ZRANB3: variants seen among roughly 807,000 people sequenced by gnomAD.
ZRANB3 encodes zinc finger RANBP2-type containing 3.
ZRANB3 carries 125 observed loss-of-function variants against 133.8 expected under a neutral mutation model. The observed-to-expected ratio is 0.93, with a 90% CI of 0.81 to 1.08. ZRANB3 has a LOEUF of 1.08. ZRANB3 is among the 50% of genes least tolerant of loss of function. The pLI is 0.00. For synonymous variants in ZRANB3, 387 were observed against 432.7 expected (o/e 0.89, Z 1.31); for missense variants, 1,229 against 1,275.5 (o/e 0.96, Z 0.56).
intron 2 of ZRANB3, among the ~76,000 whole-genome samples, chr2:135,479,096 T>C (rs1287018332): frequency 1.3e-5 from 2 of 151,950 alleles, no homozygotes; most frequent in African/African-American, 4.8e-5. Context: ...TTCACATCCT[T>C]GCTGGTATTG....
intron 19 of ZRANB3, 22 bp downstream of exon 19, chr2:135,207,412 C>T: frequency 1.9e-6 from 3 of 1,576,200 alleles, no homozygotes; most frequent in Non-Finnish European, 2.6e-6. Flanking sequence ...TGCCTTCTAT[C>T]TATCACATGA....
intron 6 of ZRANB3, among the ~76,000 whole-genome samples, chr2:135,330,681 C>T (rs1407604683): frequency 3.0e-5 from 4 of 132,910 alleles, no homozygotes; most frequent in African/African-American, 1.5e-4. Context: ...CTGTCTGGTC[C>T]TGGACTTTTT....
intron 15 of ZRANB3, 21 bp downstream of exon 15, chr2:135,224,405 C>T (rs1694675206): frequency 6.4e-7 from 1 of 1,550,920 alleles, no homozygotes; most frequent in Non-Finnish European, 8.7e-7. Flanking sequence ...TTTCAAGTTA[C>T]AGAATCTGCA....
chr2:135,328,280 T>C (rs1018622689), intron 6 of ZRANB3, among the ~76,000 whole-genome samples: 4 of 131,836 alleles, frequency 3.0e-5, no homozygotes, highest in African/African-American at 1.1e-4. Flanking sequence ...GCATTCTCAC[T>C]GTTCAATTCC....
At chr2:135,344,561 C>T (rs1272130231) in intron 6 of ZRANB3, among the ~76,000 whole-genome samples, 1 of 152,064 alleles carries the variant, frequency 6.6e-6, no homozygotes, top group Non-Finnish European at 1.5e-5. Context: ...CATGGTGAAA[C>T]CCCATCTCTA....
intron 2 of ZRANB3, among the ~76,000 whole-genome samples, chr2:135,455,171 CTTTTTTTTTTTTTTTTTTTTTT>C (rs1166170814): frequency 8.0e-5 from 3 of 37,558 alleles, no homozygotes; most frequent in African/African-American, 1.9e-4. Flanking sequence ...CCTTCTTATA[CTTTTTTTTTTTTTTTTTTTTTT>C]TTTTTTTTTT....
chr2:135,249,525 T>C (rs1234638193), intron 12 of ZRANB3, among the ~76,000 whole-genome samples: 4 of 152,246 alleles, frequency 2.6e-5, no homozygotes, highest in Non-Finnish European at 5.9e-5. Flanking sequence ...TTCTCACTTA[T>C]AAGTGTGATA....
Position 135,345,753 on chromosome 2 carries a change from C to T in ZRANB3, c.592-118G>A. On this transcript the variant is annotated intron_variant, in intron 5 of 20. Transcript: ENST00000264159. ...ATAAAAGAAAATCCAACTGTTTATT[C>T]CTCAAATCCCCTCACTACTATTCAT... is the stretch of plus-strand genomic sequence containing the variant. 5 of 653,748 alleles carry T rather than the reference C, an allele frequency of 7.6e-6. No individual in the cohort carries two copies. In the South Asian group the frequency reaches 9.9e-5, roughly 13 times the overall value. 40.5% of individuals were successfully genotyped at this position (653,748 alleles called of 1,614,324 possible).
In ZRANB3 at chr2:135,492,993, T is replaced by C. The variant is rs899441444; in HGVS notation, c.161+11336A>G. Reference sequence around the variant, plus strand: ...GTGCCAAGGTAATTTATGGGAATGATAGATTTTTCTACAAATGGTGCTGAA... The same window carrying C: ...GTGCCAAGGTAATTTATGGGAATGACAGATTTTTCTACAAATGGTGCTGAA... On this transcript the variant is annotated intron_variant, in intron 2 of 20. Transcript: ENST00000264159. 5.3e-5 allele frequency among the ~76,000 whole-genome samples: 8 copies of C among 150,570 alleles called. No homozygotes were observed. In the East Asian group the frequency reaches 1.2e-3, roughly 22 times the overall value.
intron 3 of ZRANB3, among the ~76,000 whole-genome samples, chr2:135,378,014 A>G (rs1376071150): frequency 6.6e-6 from 1 of 152,188 alleles, no homozygotes; most frequent in Non-Finnish European, 1.5e-5. Context: ...CCTGCCCTGG[A>G]ACATTGGACT....
intron 5 of ZRANB3, among the ~76,000 whole-genome samples, chr2:135,349,580 G>T (rs1471905160): frequency 6.6e-6 from 1 of 152,096 alleles, no homozygotes; most frequent in African/African-American, 2.4e-5. Flanking sequence ...AGTGAAAGAA[G>T]AACAGACAGA....
rs771909452 is a variant in ZRANB3, at chr2:135,265,694, A to G, written c.1387-8T>C. ...GCTCCCTGTAACTTGAGCCTACAAG[A>G]GGAAAAAGTAAATGAATTTTTGAGC... On this transcript the variant is annotated splice_region_variant and splice_polypyrimidine_tract_variant and intron_variant, in intron 11 of 20. Coordinates refer to ENST00000264159, the MANE Select transcript of ZRANB3 (RefSeq NM_032143.4). 4.1e-5 allele frequency: 66 copies of G among 1,606,664 alleles called. No individual in the cohort carries two copies. Among genetic ancestry groups the G allele is most frequent in the Admixed American group, 1.9e-4 (11 of 58,526 alleles).
chr2:135,299,213 G>A (rs1682315635), intron 8 of ZRANB3, among the ~76,000 whole-genome samples: 1 of 152,064 alleles, frequency 6.6e-6, no homozygotes, highest in Admixed American at 6.6e-5. Flanking sequence ...TGGTTCTCAG[G>A]CTAATGGACT....
chr2:135,447,790 A>G (rs1690087204), intron 2 of ZRANB3, among the ~76,000 whole-genome samples: 1 of 152,164 alleles, frequency 6.6e-6, no homozygotes, highest in African/African-American at 2.4e-5. Context: ...TCTACAAATG[A>G]CCAGTCTCTC....
Position 135,398,521 on chromosome 2 carries a change from C to CTTTTTTTTTTTTTTTT in ZRANB3, c.162-7702_162-7701insAAAAAAAAAAAAAAAA, listed in dbSNP as rs374119156. ...CAAACAAAAACCATTTCTTTTGTCA[C>CTTTTTTTTTTTTTTTT]TTTTTTTTTTTTTTTGAGATGGAGT... On this transcript the variant is annotated intron_variant, in intron 2 of 20. Coordinates refer to ENST00000264159, the MANE Select transcript of ZRANB3 (RefSeq NM_032143.4). 4.0e-5 allele frequency among the ~76,000 whole-genome samples: 5 copies of CTTTTTTTTTTTTTTTT among 123,910 alleles called. 2 individuals carry two copies. Among genetic ancestry groups the CTTTTTTTTTTTTTTTT allele is most frequent in the African/African-American group, 1.7e-4 (5 of 29,032 alleles). 81.3% of individuals were successfully genotyped at this position (123,910 alleles called of 152,430 possible). A position where few individuals can be genotyped will look rare whatever the true frequency, so the allele number is the denominator to read the frequency against.
intron 8 of ZRANB3, among the ~76,000 whole-genome samples, chr2:135,305,927 G>A (rs1682670149): frequency 6.6e-6 from 1 of 151,912 alleles, no homozygotes; most frequent in Non-Finnish European, 1.5e-5. Flanking sequence ...CTCCTTGCCT[G>A]TAAGGTTTCT....
chr2:135,224,447 G>A lies in ZRANB3; in HGVS notation c.2229C>T (p.Asp743=). 6.2e-7 allele frequency: 1 copy of A among 1,612,796 alleles called. No homozygotes were observed. Among genetic ancestry groups the A allele is most frequent in the Non-Finnish European group, 8.5e-7 (1 of 1,179,250 alleles). Residue 743 remains aspartate (D), a synonymous_variant, in exon 15 of 21, where the codon GAC becomes GAT. Coordinates refer to ENST00000264159, the MANE Select transcript of ZRANB3 (RefSeq NM_032143.4). ...TTACCTTAGTATAGATGTGAATCCGGTCAGTATTCCTACTTGCACAGAACA... is the reference window on the plus strand; with the variant it reads ...TTACCTTAGTATAGATGTGAATCCGATCAGTATTCCTACTTGCACAGAACA... The part of the protein sequence containing the change: ...TLMFCASRNT[D]RIHIYTKDGK...
chr2:135,270,139 T>C (rs886327173), intron 10 of ZRANB3, among the ~76,000 whole-genome samples: 1 of 152,006 alleles, frequency 6.6e-6, no homozygotes, highest in East Asian at 1.9e-4. Context: ...GTAATAAAAA[T>C]ACAGAGACAA....
intron 7 of ZRANB3, among the ~76,000 whole-genome samples, chr2:135,314,785 G>A (rs989800634): frequency 1.2e-4 from 18 of 148,484 alleles, no homozygotes; most frequent in African/African-American, 4.2e-4. Context: ...GTCTCGCTCT[G>A]TTGCCCAGGC....
Sources: allele counts gnomAD v4.1 joint callset (sites outside exome capture counted in the v4.1 genomes callset), GRCh38; gene constraint gnomAD v4.1.1; transcripts MANE v1.5; gene names NCBI Gene and HGNC (gene_info 2026-07-23, HGNC 2026-07-21).